ACTR8: variants seen among roughly 807,000 people sequenced by gnomAD.
The protein encoded by ACTR8 is actin related protein 8, also known as actin-related protein 8.
A neutral mutation model predicts 84.3 loss-of-function variants in ACTR8; 70 were observed. That is an observed-to-expected ratio of 0.83 (90% CI 0.68 to 1.01). The LOEUF is 1.01. Ranked by LOEUF, ACTR8 falls within the 50% of genes least tolerant of loss-of-function variation. The pLI is 0.00. For synonymous variants in ACTR8, 268 were observed against 275.2 expected, an observed-to-expected ratio of 0.97 and a Z score of 0.26; for missense variants, 672 against 775.4, an observed-to-expected ratio of 0.87 and a Z score of 1.58.
At chr3:53,877,557 AAAC>A in intron 4 of ACTR8, 87 bp downstream of exon 4, 2 of 1,406,720 alleles carry the variant, frequency 1.4e-6, no homozygotes, top group Non-Finnish European at 2.0e-6. Context: ...GAACGCTAGG[AAAC>A]AACTAGGACT....
At chr3:53,873,174 T>A in intron 8 of ACTR8, 47 bp from the exon 9 acceptor site, 1 of 1,451,534 alleles carries the variant, frequency 6.9e-7, no homozygotes, top group Non-Finnish European at 9.6e-7. Context: ...AGAATGCATG[T>A]AAACTCTTCA....
At chr3:53,873,008 T>G (rs767961693) in intron 9 of ACTR8, 24 bp downstream of exon 9, 7 of 1,555,946 alleles carry the variant, frequency 4.5e-6, no homozygotes, top group Non-Finnish European at 6.2e-6. Context: ...TTTCTACCCA[T>G]GGAAACAGAT....
chr3:53,874,120 A>G lies in ACTR8; in HGVS notation c.1065+91T>C. The G allele has an allele frequency of 2.2e-6, 3 of 1,385,824 alleles. No homozygotes were observed. The South Asian group carries it at 4.2e-5, about 20-fold the overall frequency. 85.8% of individuals were successfully genotyped at this position (1,385,824 alleles called of 1,614,324 possible). On this transcript the variant is annotated intron_variant, in intron 8 of 12. Transcript: ENST00000335754. ...ATTACAGGCATGAGCCACCGTGCCC[A>G]GCCAATGCTGTTACATTTTTAAGTA...
At chr3:53,862,782 T>A (rs548617420), downstream of ACTR8, among the ~76,000 whole-genome samples, 11 of 152,216 alleles carry the variant, frequency 7.2e-5, no homozygotes, top group Non-Finnish European at 1.6e-4. Context: ...GACCCTTCTA[T>A]GATACAAGCA....
At chr3:53,868,982 C>A (rs980709423) in intron 12 of ACTR8, 120 bp from the exon 13 acceptor site, 54 of 1,360,866 alleles carry the variant, frequency 4.0e-5, no homozygotes, top group Middle Eastern at 4.0e-4. Context: ...CAGGCTTTCA[C>A]CCTGTATTAA....
chr3:53,876,069 G>T lies in ACTR8; in HGVS notation c.790C>A (p.His264Asn), dbSNP rs777250391. The change falls in exon 7 of 13, where the codon CAT becomes AAT. Residue 264 changes from histidine (H) to asparagine (N), a missense_variant. By Grantham distance (68) the His-to-Asn change is moderately conservative (BLOSUM62 1). Coordinates refer to ENST00000335754, the MANE Select transcript of ACTR8 (RefSeq NM_022899.5). ...TAGGTGGCACACACAGACTCCTGAT[G>T]GACCACAATCCCTGGGGGGGGAAAA... Reference protein sequence around the residue: ...MKMGFSGIVVHQESVCATYGS... With the variant: ...MKMGFSGIVVNQESVCATYGS... 2.5e-6 allele frequency: 4 copies of T among 1,597,870 alleles called. No individual in the cohort carries two copies. The highest frequency in any genetic ancestry group is 1.1e-5 in the South Asian group (1 of 90,098).
rs1246348123 is a variant in ACTR8 at position 53,870,124 on chromosome 3, T to A, written c.1589A>T (p.Lys530Met). Residue 530 changes from lysine (K) to methionine (M), a missense_variant, in exon 12 of 13, where the codon AAG becomes ATG. By Grantham distance (95) the Lys-to-Met change is moderately conservative. Transcript: ENST00000335754. The surrounding 1 kb of genome is among the most constrained non-coding windows in gnomAD (Gnocchi z 4.1). ...CACCACTAGGATGGAGCTGTACATC[T>A]TCTTTTTGGTGTCGTCAGATGCTGA... ...DCCSSDDTKK[K>M]MYSSILVVGG... 11 of 1,613,430 alleles carry A rather than the reference T, an allele frequency of 6.8e-6. No homozygotes were observed. Among genetic ancestry groups the A allele is most frequent in the South Asian group, 1.1e-5 (1 of 91,050 alleles).
intron 12 of ACTR8, 60 bp from the exon 13 acceptor site, chr3:53,868,922 C>A: frequency 6.4e-7 from 1 of 1,564,276 alleles, no homozygotes. Flanking sequence ...CAATCATTTA[C>A]TTGAATATGG....
downstream of ACTR8, chr3:53,865,533 T>C: frequency 2.0e-6 from 1 of 501,358 alleles, no homozygotes; most frequent in Non-Finnish European, 3.5e-6. Context: ...AGAAATCAAT[T>C]ACAGTTTTAA....
chr3:53,879,966 G>A lies in ACTR8; in HGVS notation c.267C>T (p.Asp89=), dbSNP rs1184101075. ...HKQQGQPLYK[D]SWLLREGLNK... ...TTAGTCCCTCCCTTAGGAGCCAACT[G>A]TCCTTGTATAGGGGCTGCCCTTGTT... Residue 89 remains aspartate, a synonymous_variant, in exon 2 of 13, where the codon GAC becomes GAT. Coordinates refer to ENST00000335754, the MANE Select transcript of ACTR8 (RefSeq NM_022899.5). The A allele has an allele frequency of 2.5e-6, 4 of 1,613,786 alleles. No individual in the cohort carries two copies. The highest frequency in any genetic ancestry group is 8.5e-7 in the Non-Finnish European group (1 of 1,179,818).
chr3:53,861,830 G>T, the ACTR8 span, among the ~76,000 whole-genome samples: 1 of 152,292 alleles, frequency 6.6e-6, no homozygotes, highest in Middle Eastern at 3.4e-3. Flanking sequence ...GCAGATGAAA[G>T]TGTCCTCTTC....
At chr3:53,875,866 A>C (rs1049352521) in intron 7 of ACTR8, 82 bp downstream of exon 7, 1 of 1,553,452 alleles carries the variant, frequency 6.4e-7, no homozygotes, top group African/African-American at 1.4e-5. Flanking sequence ...TATAATTTTT[A>C]ACCTGTGATT....
rs1699878659 is a variant in ACTR8 at position 53,871,258 on chromosome 3, G to A, written c.1541C>T (p.Ala514Val). The change falls in exon 11 of 13, where the codon GCC (alanine) becomes GTC (valine). Residue 514 changes from alanine (A) to valine (V), a missense_variant. Coordinates refer to ENST00000335754, the MANE Select transcript of ACTR8 (RefSeq NM_022899.5). ...FEGKALGLDK[A>V]ILHSIDCCSS... ...ACAGCAGTCTATGCTATGGAGGATG[G>A]CTTTATCCAGGCCCAGGGCTTTTCC... 6.2e-7 allele frequency: 1 copy of A among 1,614,192 alleles called. No homozygotes were observed.
chr3:53,861,486 G>C, the ACTR8 span: 1 of 152,160 alleles, frequency 6.6e-6, no homozygotes, highest in African/African-American at 2.4e-5. Flanking sequence ...TGCACATTTT[G>C]CAGAATACCT....
At chr3:53,877,954 A>C (rs1253137263) in intron 3 of ACTR8, among the ~76,000 whole-genome samples, 1 of 152,198 alleles carries the variant, frequency 6.6e-6, no homozygotes, top group African/African-American at 2.4e-5. Context: ...TTTAACACCT[A>C]GGCTGTGATT....
chr3:53,873,875 A>G (rs1259492902), intron 8 of ACTR8, among the ~76,000 whole-genome samples: 2 of 152,126 alleles, frequency 1.3e-5, no homozygotes, highest in African/African-American at 4.8e-5. Flanking sequence ...CCGAGGCTGG[A>G]GTGCAGTGGT....
chr3:53,877,647 C>T lies in ACTR8; in HGVS notation c.510G>A (p.Glu170=), dbSNP rs1228083674. ...ATTCTATTGTAAAGAAGTTTCTTAC[C>T]TCTTCTCCTACTAAATACTCAGGGT... ...SHHPEYLVGE[E]ALYVNPLDCY... The change falls in exon 4 of 13, where the codon GAG becomes GAA. Residue 170 remains glutamate (E), a splice_region_variant and synonymous_variant. Coordinates refer to ENST00000335754, the MANE Select transcript of ACTR8 (RefSeq NM_022899.5). 1.9e-6 allele frequency: 3 copies of T among 1,611,066 alleles called. No homozygotes were observed. In the African/African-American group the frequency reaches 4.0e-5, roughly 22 times the overall value.
downstream of ACTR8, chr3:53,865,040 G>C: frequency 6.2e-7 from 1 of 1,614,220 alleles, no homozygotes; most frequent in Non-Finnish European, 8.5e-7. Flanking sequence ...AGCGAGGGCA[G>C]TCCCAGTGAG....
At chr3:53,859,892 A>G in the ACTR8 span, 1 of 392,622 alleles carries the variant, frequency 2.5e-6, no homozygotes, top group East Asian at 4.4e-5. Flanking sequence ...ACATGCCTGT[A>G]ATCCCAGCTA....
Sources: gnomAD v4.1 joint callset for allele counts (sites outside exome capture counted in the v4.1 genomes callset) on GRCh38, gnomAD v4.1.1 for gene constraint, Gnocchi (gnomAD v3.1) non-coding constraint, MANE v1.5 for transcripts, NCBI Gene and HGNC (gene_info 2026-07-23, HGNC 2026-07-21) for gene names.